ACACA: variants seen among roughly 807,000 people sequenced by gnomAD.
ACACA encodes acetyl-CoA carboxylase 1.
Under a neutral mutation model 296.1 loss-of-function variants are expected in ACACA, and 103 were observed. The ratio of observed to expected loss-of-function variants is 0.35; its 90% confidence interval spans 0.30 to 0.41. The LOEUF (loss-of-function observed/expected upper bound fraction) is 0.41. Among genes scored for constraint, ACACA ranks in the 10% least tolerant of loss-of-function variants. The pLI, the probability that ACACA is intolerant of heterozygous loss-of-function variation, is 1.00. For synonymous variants in ACACA, 953 were observed against 1,038.6 expected (o/e 0.92, Z 1.58); for missense variants, 1,554 against 2,989.7 (o/e 0.52, Z 11.20).
chr17:37,367,237 AAAG>A (rs1203148646), intron 1 of ACACA, among the ~76,000 whole-genome samples: 2 of 151,816 alleles, frequency 1.3e-5, no homozygotes, highest in East Asian at 1.9e-4. Flanking sequence ...AAAAAAAAAA[AAAG>A]AAGAAAGAAT....
intron 3 of ACACA, among the ~76,000 whole-genome samples, chr17:37,287,795 C>T (rs1226201373): frequency 6.6e-6 from 1 of 151,432 alleles, no homozygotes; most frequent in Non-Finnish European, 1.5e-5. Context: ...CAGAGTCTAG[C>T]AGCTACTTTG....
rs1440250679 is a variant in ACACA, at chr17:37,179,251, A to G, written c.5079+9T>C. 1 of 1,614,130 alleles carries G rather than the reference A, an allele frequency of 6.2e-7. No homozygotes were observed. Among genetic ancestry groups the G allele is most frequent in the East Asian group, 2.2e-5 (1 of 44,876 alleles). On this transcript the variant is annotated intron_variant, in intron 41 of 55. Transcript: ENST00000616317. Reference sequence around the variant, plus strand: ...GATAAGAAAGGGAAGGGGGGTTTCAACTACTTGCCTCATTTCCTCCTGGAA... The same window carrying G: ...GATAAGAAAGGGAAGGGGGGTTTCAGCTACTTGCCTCATTTCCTCCTGGAA...
chr17:37,399,045 T>C (rs2051193822), intron 1 of ACACA, among the ~76,000 whole-genome samples: 1 of 150,714 alleles, frequency 6.6e-6, no homozygotes, highest in Admixed American at 6.6e-5. Context: ...AATGGTGGGA[T>C]CTCGGCTCAC....
chr17:37,154,973 T>C lies in ACACA; in HGVS notation c.5447+710A>G, dbSNP rs1250270725. Among the ~76,000 whole-genome samples the C allele has an allele frequency of 3.3e-5, 5 of 152,176 alleles. No homozygotes were observed. The East Asian group carries it at 7.7e-4, about 23-fold the overall frequency. On this transcript the variant is annotated intron_variant, in intron 43 of 55. Coordinates refer to ENST00000616317, the MANE Select transcript of ACACA (RefSeq NM_198834.3). ...AATTAAAGAGGGAAACAAATCCTAT[T>C]CTACACTGCTGACAGAAATGCAAAT...
Position 37,277,404 on chromosome 17 carries a change from A to G in ACACA, c.721-290T>C, listed in dbSNP as rs73982301. On this transcript the variant is annotated intron_variant, in intron 6 of 55. Coordinates refer to ENST00000616317, the MANE Select transcript of ACACA (RefSeq NM_198834.3). ...ACTCAATTCATAGCCTAGGCTGTAA[A>G]GGGCGTTTTCTAGAAAAACTGGCTA... 9.1e-4 allele frequency among the ~76,000 whole-genome samples: 139 copies of G among 152,370 alleles called. 1 individual carries two copies. Among genetic ancestry groups the G allele is most frequent in the African/African-American group, 3.3e-3 (137 of 41,582 alleles).
At chr17:37,209,225 G>A (rs2078644301) in intron 30 of ACACA, among the ~76,000 whole-genome samples, 1 of 152,138 alleles carries the variant, frequency 6.6e-6, no homozygotes, top group African/African-American at 2.4e-5. Context: ...ACTAGAAACT[G>A]GGATTCAGAG....
chr17:37,279,897 T>C (rs1308580448), intron 5 of ACACA, among the ~76,000 whole-genome samples: 1 of 152,180 alleles, frequency 6.6e-6, no homozygotes, highest in Non-Finnish European at 1.5e-5. Context: ...ATATTTTTTA[T>C]GGATACCTAA....
chr17:37,117,855 T>C (rs1391683671), intron 50 of ACACA, among the ~76,000 whole-genome samples: 1 of 151,884 alleles, frequency 6.6e-6, no homozygotes, highest in Admixed American at 6.6e-5. Flanking sequence ...AATCTTTTCC[T>C]ACTCATTACA....
chr17:37,170,367 T>C (rs1216382903), intron 41 of ACACA, among the ~76,000 whole-genome samples: 1 of 151,950 alleles, frequency 6.6e-6, no homozygotes, highest in African/African-American at 2.4e-5. Context: ...TTTAACTGTT[T>C]TTATGTGGGT....
Position 37,284,889 on chromosome 17 carries a change from A to C in ACACA, c.420T>G (p.Ala140=). Residue 140 remains alanine, a synonymous_variant, in exon 4 of 56, where the codon GCT becomes GCG. Coordinates refer to ENST00000616317, the MANE Select transcript of ACACA (RefSeq NM_198834.3). The part of the protein sequence containing the change: ...KIDSQRDFTV[A]SPAEFVTRFG... ...AGCGAGTAACAAATTCTGCTGGAGA[A>C]GCCACAGTGAAATCTCGTTGAGAAT... 6.2e-7 allele frequency: 1 copy of C among 1,614,204 alleles called. No homozygotes were observed.
At chr17:37,227,847 G>T (rs1245959485) in intron 25 of ACACA, among the ~76,000 whole-genome samples, 2 of 139,838 alleles carry the variant, frequency 1.4e-5, no homozygotes, top group Non-Finnish European at 3.0e-5. Context: ...GCAACAGAGC[G>T]AGACTCTGTC....
At chr17:37,238,888 A>G (rs1239235151) in intron 24 of ACACA, among the ~76,000 whole-genome samples, 2 of 152,132 alleles carry the variant, frequency 1.3e-5, no homozygotes, top group Non-Finnish European at 2.9e-5. Flanking sequence ...GTGCAGTGGT[A>G]CAATCATAGC....
At position 37,113,382 on chromosome 17, in the gene ACACA, T is replaced by C. The variant is rs1436485821; in HGVS notation, c.6275-117A>G. ...GCCTCCTTATACTATGCCTCCTGTT[T>C]GGCCACCCTATAGACTAAAGGGAGT... On this transcript the variant is annotated intron_variant, in intron 50 of 55. Transcript: ENST00000616317. This position sits in a 1 kb window ranked among gnomAD's most constrained non-coding sequence, Gnocchi z 4.0. 3.4e-5 allele frequency: 35 copies of C among 1,041,424 alleles called. No homozygotes were observed. The highest frequency in any genetic ancestry group is 5.1e-5 in the Non-Finnish European group (35 of 684,912). 64.5% of individuals were successfully genotyped at this position (1,041,424 alleles called of 1,614,324 possible).
intron 1 of ACACA, among the ~76,000 whole-genome samples, chr17:37,351,353 C>G (rs1179865644): frequency 6.6e-6 from 1 of 152,142 alleles, no homozygotes; most frequent in East Asian, 1.9e-4. Context: ...ATTCCAGCTA[C>G]ATGGGAGGCT....
chr17:37,341,689 C>CA (rs11433722), intron 1 of ACACA, among the ~76,000 whole-genome samples: 615 of 85,482 alleles, frequency 7.2e-3, no homozygotes, highest in Admixed American at 0.012. Context: ...GACTCTGTCT[C>CA]AAAAAAAAAA....
At chr17:37,251,072 C>A (rs1240616223) in intron 16 of ACACA, among the ~76,000 whole-genome samples, 2 of 151,930 alleles carry the variant, frequency 1.3e-5, no homozygotes, top group African/African-American at 4.8e-5. Flanking sequence ...AAAACAAAAG[C>A]ATTTTAAAAG....
At chr17:37,293,930 C>T (rs1024189595) in intron 3 of ACACA, among the ~76,000 whole-genome samples, 3 of 152,154 alleles carry the variant, frequency 2.0e-5, no homozygotes, top group African/African-American at 7.2e-5. Context: ...ATTTAGATAA[C>T]TTCTATAAAC....
At chr17:37,381,454 A>G (rs1303292339) in intron 1 of ACACA, among the ~76,000 whole-genome samples, 5 of 151,604 alleles carry the variant, frequency 3.3e-5, no homozygotes, top group African/African-American at 1.2e-4. Flanking sequence ...CCAAAGTGCT[A>G]GGATTACAAG....
chr17:37,193,791 C>T (rs2077867892), intron 35 of ACACA, among the ~76,000 whole-genome samples: 1 of 152,152 alleles, frequency 6.6e-6, no homozygotes, highest in African/African-American at 2.4e-5. Flanking sequence ...AGTTAATGGA[C>T]TGATTTCCCA....
Sources: allele counts gnomAD v4.1 joint callset (sites outside exome capture counted in the v4.1 genomes callset), GRCh38; gene constraint gnomAD v4.1.1; non-coding constraint Gnocchi (gnomAD v3.1); transcripts MANE v1.5; gene names NCBI Gene and HGNC (gene_info 2026-07-23, HGNC 2026-07-21).